MRTFA: variants seen among roughly 807,000 people sequenced by gnomAD.
MRTFA encodes the protein myocardin-related transcription factor A.
MRTFA carries 20 observed loss-of-function variants against 83.5 expected under a neutral mutation model. That is an observed-to-expected ratio of 0.24 (90% CI 0.17 to 0.35). The LOEUF is 0.35. Among genes scored for constraint, MRTFA ranks in the 10% least tolerant of loss-of-function variants. The probability of loss-of-function intolerance (pLI) is 1.00; values close to 1 mark genes in which losing one functional copy is unlikely to be tolerated. For missense variants in MRTFA, 1,200 were observed against 1,224.7 expected, an observed-to-expected ratio of 0.98 and a Z score of 0.30; for synonymous variants, 659 against 541.2, an observed-to-expected ratio of 1.22 and a Z score of -3.02.
intron 3 of MRTFA, among the ~76,000 whole-genome samples, chr22:40,529,831 TAAC>T (rs1035644495): frequency 6.6e-6 from 1 of 152,180 alleles, no homozygotes; most frequent in African/African-American, 2.4e-5. Context: ...CTAATAATCA[TAAC>T]AACAAAAAGT....
chr22:40,584,352 A>G (rs1163473894), intron 2 of MRTFA, among the ~76,000 whole-genome samples: 2 of 152,224 alleles, frequency 1.3e-5, no homozygotes, highest in African/African-American at 4.8e-5. Context: ...TTCCATACAT[A>G]CAACCATAGT....
At chr22:40,600,009 CAA>C (rs34183268) in intron 1 of MRTFA, among the ~76,000 whole-genome samples, 5 of 121,600 alleles carry the variant, frequency 4.1e-5, no homozygotes, top group Non-Finnish European at 6.9e-5. Flanking sequence ...TTTGACTTAT[CAA>C]AAAAAAAAAA....
rs572232894 is a variant in MRTFA, at chr22:40,595,044, TTTATATCC to T, written c.-83-317_-83-310del. 7.2e-5 allele frequency among the ~76,000 whole-genome samples: 11 copies of T among 152,130 alleles called. 1 individual carries two copies. In the South Asian group the frequency reaches 2.1e-3, roughly 29 times the overall value. On this transcript the variant is annotated intron_variant, in intron 1 of 14. Transcript: ENST00000355630. The stretch of plus-strand genomic sequence containing the variant: ...GAGACAAGTGTTTTTATTAACTCAT[TTTATATCC>T]TTATATCCAAATGACAATTGTCCTA...
At chr22:40,574,351 AT>A (rs1468505038) in intron 2 of MRTFA, among the ~76,000 whole-genome samples, 1 of 152,170 alleles carries the variant, frequency 6.6e-6, no homozygotes, top group Non-Finnish European at 1.5e-5. Flanking sequence ...TATACTGAAC[AT>A]TTACAGACTT....
At chr22:40,542,731 G>C (rs1297210042) in intron 3 of MRTFA, among the ~76,000 whole-genome samples, 1 of 152,004 alleles carries the variant, frequency 6.6e-6, no homozygotes, top group African/African-American at 2.4e-5. Context: ...ATAAATGATG[G>C]CACAGAACAG....
At chr22:40,589,121 A>G in intron 2 of MRTFA, among the ~76,000 whole-genome samples, 1 of 152,232 alleles carries the variant, frequency 6.6e-6, no homozygotes, top group Non-Finnish European at 1.5e-5. Flanking sequence ...TATGGTTAAC[A>G]TATGGATCCT....
rs535449625 is a variant in MRTFA, at chr22:40,439,920, G to A, written c.308-4366C>T. On this transcript the variant is annotated intron_variant, in intron 4 of 14. Coordinates refer to ENST00000355630, the MANE Select transcript of MRTFA (RefSeq NM_020831.6). ...TAATCCCAGCACTCTGGGAGGCTCA[G>A]GCAGGCAGATCACCTGAGGTCAGGA... 13 of 156,152 alleles carry A rather than the reference G, an allele frequency of 8.3e-5. No homozygotes were observed. In the South Asian group the frequency reaches 2.0e-3, roughly 24 times the overall value. The allele number at this position is 156,152 out of a possible 1,614,324, so 9.7% of individuals were successfully genotyped here.
In MRTFA at chr22:40,591,356, C is replaced by T. The variant is rs532316255; in HGVS notation, c.-22+3318G>A. The stretch of plus-strand genomic sequence containing the variant: ...GCTAAATCCCTTCTTTTCAAGGTTA[C>T]ACTTTTTAAAAAGTGTTGAGAAAAT... On this transcript the variant is annotated intron_variant, in intron 2 of 14. Transcript: ENST00000355630. 1.1e-4 allele frequency among the ~76,000 whole-genome samples: 16 copies of T among 150,508 alleles called. No homozygotes were observed. The East Asian group carries it at 2.1e-3, about 20-fold the overall frequency.
chr22:40,594,697 G>A lies in MRTFA; in HGVS notation c.-45C>T, dbSNP rs544211094. The A allele has an allele frequency of 6.6e-6, 1 of 152,174 alleles. No homozygotes were observed. Among genetic ancestry groups the A allele is most frequent in the South Asian group, 2.1e-4 (1 of 4,812 alleles). 9.4% of individuals were successfully genotyped at this position (152,174 alleles called of 1,614,324 possible). A position where few individuals can be genotyped will look rare whatever the true frequency, so the allele number is the denominator to read the frequency against. The stretch of plus-strand genomic sequence containing the variant: ...ACCTTGCTTACAATTCCCACAGACA[G>A]ATGAAATTCAATTCCATGCCAACCA... On this transcript the variant is annotated 5_prime_UTR_variant, in exon 2 of 15. Coordinates refer to ENST00000355630, the MANE Select transcript of MRTFA (RefSeq NM_020831.6).
intron 2 of MRTFA, among the ~76,000 whole-genome samples, chr22:40,591,811 T>C (rs1436388897): frequency 2.6e-5 from 4 of 152,230 alleles, no homozygotes; most frequent in Non-Finnish European, 4.4e-5. Context: ...CAGTAATTCA[T>C]TCAATAGACA....
intron 2 of MRTFA, among the ~76,000 whole-genome samples, chr22:40,561,599 T>C (rs573305457): frequency 6.6e-6 from 1 of 152,182 alleles, no homozygotes; most frequent in South Asian, 2.1e-4. Flanking sequence ...TTCAGACACC[T>C]TAAAAACTAC....
chr22:40,543,982 T>C (rs755024254), intron 3 of MRTFA, among the ~76,000 whole-genome samples: 5 of 152,132 alleles, frequency 3.3e-5, no homozygotes, highest in African/African-American at 7.2e-5. Context: ...AATACACAAA[T>C]AGCCCAATGG....
chr22:40,418,070 A>C (rs2052725170), intron 12 of MRTFA, among the ~76,000 whole-genome samples: 1 of 152,178 alleles, frequency 6.6e-6, no homozygotes, highest in African/African-American at 2.4e-5. Flanking sequence ...CCCACAGAGC[A>C]GCACTAGGGC....
At position 40,500,345 on chromosome 22, in the gene MRTFA, TTTA is replaced by T. The variant is rs1412717150; in HGVS notation, c.242-37062_242-37060del. ...TTTTTTTGTTACAGTTTTTATTTTT[TTTA>T]TTTTTTTTTTAACATTTCATTTTTT... On this transcript the variant is annotated intron_variant, in intron 3 of 14. Coordinates refer to ENST00000355630, the MANE Select transcript of MRTFA (RefSeq NM_020831.6). Among the ~76,000 whole-genome samples, 8 of 26,560 alleles carry T rather than the reference TTTA, an allele frequency of 3.0e-4. No individual in the cohort carries two copies. In the Admixed American group the frequency reaches 3.7e-3, roughly 12 times the overall value. 17.4% of individuals were successfully genotyped at this position (26,560 alleles called of 152,430 possible). A position where few individuals can be genotyped will look rare whatever the true frequency, so the allele number is the denominator to read the frequency against.
intron 3 of MRTFA, among the ~76,000 whole-genome samples, chr22:40,545,824 C>G (rs1293946045): frequency 6.6e-6 from 1 of 151,870 alleles, no homozygotes; most frequent in Non-Finnish European, 1.5e-5. Context: ...ACCTCCCTCT[C>G]CCCAGTTCAA....
chr22:40,601,619 C>T (rs996772357), intron 1 of MRTFA, among the ~76,000 whole-genome samples: 2 of 152,058 alleles, frequency 1.3e-5, no homozygotes, highest in Non-Finnish European at 2.9e-5. Context: ...TTAATTTCAG[C>T]AGTTATCACA....
At chr22:40,626,168 TAG>T (rs1160163641) in intron 1 of MRTFA, among the ~76,000 whole-genome samples, 1 of 152,100 alleles carries the variant, frequency 6.6e-6, no homozygotes, top group Non-Finnish European at 1.5e-5. Flanking sequence ...GTATTTTTAG[TAG>T]AGATGGGGTT....
In MRTFA at chr22:40,417,419, G is replaced by C. The variant is rs758122207; in HGVS notation, c.2439C>G (p.Leu813=). The C allele has an allele frequency of 3.0e-5, 48 of 1,610,292 alleles. No homozygotes were observed. The highest frequency in any genetic ancestry group is 4.3e-4 in the Middle Eastern group (2 of 4,652). Residue 813 remains leucine, a synonymous_variant, in exon 13 of 15, where the codon CTC becomes CTG. Transcript: ENST00000355630. ...TCAGCAGAGAAGTGGGGGTCCCAAA[G>C]AGGGGCTGCAGTGGGTGCTCCAGGT...
At chr22:40,610,571 A>G (rs1339461777) in intron 1 of MRTFA, among the ~76,000 whole-genome samples, 2 of 152,142 alleles carry the variant, frequency 1.3e-5, no homozygotes, top group African/African-American at 2.4e-5. Flanking sequence ...TGTGCCAAGA[A>G]AAAGTGGGGG....
Sources: gnomAD v4.1 joint callset for allele counts (sites outside exome capture counted in the v4.1 genomes callset) on GRCh38, gnomAD v4.1.1 for gene constraint, MANE v1.5 for transcripts, NCBI Gene and HGNC (gene_info 2026-07-23, HGNC 2026-07-21) for gene names.